Variants in HAP1 observed in about 807,000 individuals in gnomAD.
The protein encoded by HAP1 is huntingtin-associated protein 1.
A neutral mutation model predicts 60.3 loss-of-function variants in HAP1; 59 were observed. That is an observed-to-expected ratio of 0.98 (90% CI 0.79 to 1.22). The LOEUF is 1.22. HAP1 is among the 50% of genes most tolerant of loss of function. The probability of loss-of-function intolerance (pLI) is 0.00; values close to 1 mark genes in which losing one functional copy is unlikely to be tolerated. For synonymous variants in HAP1, 346 were observed against 330.6 expected (o/e 1.05, Z -0.50); for missense variants, 825 against 785.3 (o/e 1.05, Z -0.60).
At chr17:41,718,102 G>GTA, downstream of HAP1, 1 of 434,192 alleles carries the variant, frequency 2.3e-6, no homozygotes, top group Non-Finnish European at 5.0e-6. Context: ...AACACACAGA[G>GTA]TACCCAGAGT....
Position 41,732,219 on chromosome 17 carries a change from C to T in HAP1, c.714+11G>A. ...GATTGGCCCGCTATCCTCTCCTCCC[C>T]ACCCGGTTACCTCCTCCTTGGCTGA... On this transcript the variant is annotated intron_variant, in intron 3 of 10. Coordinates refer to ENST00000347901, the MANE Select transcript of HAP1 (RefSeq NM_177977.3). The T allele has an allele frequency of 6.2e-7, 1 of 1,612,536 alleles. No individual in the cohort carries two copies. Among genetic ancestry groups the T allele is most frequent in the South Asian group, 1.1e-5 (1 of 90,956 alleles).
intron 8 of HAP1, 129 bp from the exon 9 acceptor site, chr17:41,727,273 T>A: frequency 1.3e-6 from 1 of 783,536 alleles, no homozygotes. Context: ...CGTAGGAAAG[T>A]GGGCAGCCAG....
chr17:41,724,531 T>C lies in HAP1; in HGVS notation c.*170A>G. 1.6e-6 allele frequency: 1 copy of C among 607,244 alleles called. No homozygotes were observed. Among genetic ancestry groups the C allele is most frequent in the Non-Finnish European group, 2.9e-6 (1 of 343,584 alleles). 37.6% of individuals were successfully genotyped at this position (607,244 alleles called of 1,614,324 possible). On this transcript the variant is annotated 3_prime_UTR_variant, in exon 11 of 11. Transcript: ENST00000347901. ...CCCCCAGGAGAAAAGTGGATGGAGA[T>C]CTGGAATCCTAAGCAAATGCCACAT...
chr17:41,725,946 G>C (rs919007809), intron 9 of HAP1, 49 bp from the exon 10 acceptor site: 1 of 1,376,438 alleles, frequency 7.3e-7, no homozygotes, highest in African/African-American at 1.4e-5. Context: ...AGCCGAAACT[G>C]CAGTCCCTGG....
rs138954565 is a variant in HAP1, at chr17:41,734,355, G to A, written c.280C>T (p.Arg94Trp). 3 of 1,608,730 alleles carry A rather than the reference G, an allele frequency of 1.9e-6. No individual in the cohort carries two copies. The highest frequency in any genetic ancestry group is 1.7e-6 in the Non-Finnish European group (2 of 1,176,814). Residue 94 changes from arginine (R) to tryptophan (W), a missense_variant, in exon 1 of 11, where the codon CGG becomes TGG. Coordinates refer to ENST00000347901, the MANE Select transcript of HAP1 (RefSeq NM_177977.3). ...GCGTCCGAATTGTCGGGCATAGACC[G>A]GACATCCCCTTGGATGGCCGAGAAT... ...SAFSAIQGDV[R>W]SMPDNSDAPW...
Position 41,732,787 on chromosome 17 carries a change from T to C in HAP1, c.481A>G (p.Asn161Asp). 1.2e-6 allele frequency: 2 copies of C among 1,608,332 alleles called. No homozygotes were observed. Among genetic ancestry groups the C allele is most frequent in the Non-Finnish European group, 1.7e-6 (2 of 1,174,802 alleles). ...IRELEEALCP[N>D]LPPPVKKITQ... The stretch of plus-strand genomic sequence containing the variant: ...ATCTTTTTGACTGGCGGAGGTAGGT[T>C]AGGACACAGTGCTGCAGGAGGCGGC... Residue 161 changes from asparagine (N) to aspartate (D), a missense_variant, in exon 2 of 11, where the codon AAC becomes GAC. Coordinates refer to ENST00000347901, the MANE Select transcript of HAP1 (RefSeq NM_177977.3).
At chr17:41,718,665 T>C (rs1340260260), downstream of HAP1, among the ~76,000 whole-genome samples, 1 of 152,234 alleles carries the variant, frequency 6.6e-6, no homozygotes, top group Admixed American at 6.5e-5. Context: ...ATTGCACTGG[T>C]GCCACTCCAG....
intron 4 of HAP1, 61 bp downstream of exon 4, chr17:41,731,876 T>A: frequency 1.2e-6 from 1 of 823,842 alleles, no homozygotes; most frequent in Non-Finnish European, 2.0e-6. Context: ...GTGTCCCTCT[T>A]AACAAATGAG....
At chr17:41,717,810 T>C (rs192193402), downstream of HAP1, 192 of 313,302 alleles carry the variant, frequency 6.1e-4, 2 homozygotes, top group African/African-American at 3.8e-3. Context: ...AAGTCCCTCC[T>C]CCCTTCTGTA....
At chr17:41,721,336 C>G (rs998028933), downstream of HAP1, 1 of 152,598 alleles carries the variant, frequency 6.6e-6, no homozygotes, top group Admixed American at 6.5e-5. Flanking sequence ...TGTGAGGTGC[C>G]CAGGTTCACA....
chr17:41,731,018 C>T (rs1018665626), intron 6 of HAP1, among the ~76,000 whole-genome samples: 1 of 151,858 alleles, frequency 6.6e-6, no homozygotes, highest in African/African-American at 2.4e-5. Context: ...TCAAGCAATT[C>T]TCCCACCTCA....
At chr17:41,717,879 T>G (rs1320438635), downstream of HAP1, 9 of 418,518 alleles carry the variant, frequency 2.2e-5, no homozygotes, top group African/African-American at 1.8e-4. Context: ...TGCTCATGAG[T>G]GGCTGGTGCA....
At chr17:41,719,329 A>G (rs77420752), downstream of HAP1, among the ~76,000 whole-genome samples, 169 of 152,252 alleles carry the variant, frequency 1.1e-3, 5 homozygotes, top group East Asian at 0.03. Context: ...TATGAAAACC[A>G]TGGATTGAAT....
At chr17:41,725,202 C>T in intron 10 of HAP1, 48 bp from the exon 11 acceptor site, 1 of 1,468,684 alleles carries the variant, frequency 6.8e-7, no homozygotes, top group Non-Finnish European at 9.2e-7. Context: ...AAGTCCAACC[C>T]CCCAGGCCCA....
rs781783273 is a variant in HAP1, at chr17:41,732,399, G to C, written c.550-5C>G. 51 of 1,613,538 alleles carry C rather than the reference G, an allele frequency of 3.2e-5. No homozygotes were observed. The highest frequency in any genetic ancestry group is 1.3e-4 in the East Asian group (6 of 44,878). On this transcript the variant is annotated splice_region_variant and splice_polypyrimidine_tract_variant and intron_variant, in intron 2 of 10. Transcript: ENST00000347901. ...CTCCCAGACAGGTGGGAGAAGCTGG[G>C]GGGGACACAGGGGTCAGAGAGAGGC...
At chr17:41,722,293 A>G (rs1335865266), downstream of HAP1, 1 of 152,116 alleles carries the variant, frequency 6.6e-6, no homozygotes, top group Non-Finnish European at 1.5e-5. Context: ...TGGGGACTTC[A>G]CCCTAAGACA....
chr17:41,733,542 T>C (rs1192627777), intron 1 of HAP1, among the ~76,000 whole-genome samples: 1 of 151,536 alleles, frequency 6.6e-6, no homozygotes, highest in African/African-American at 2.4e-5. Context: ...TGGAGTCTCC[T>C]GGGTCATACA....
intron 1 of HAP1, among the ~76,000 whole-genome samples, chr17:41,733,796 C>G (rs1288619772): frequency 6.6e-6 from 1 of 151,430 alleles, no homozygotes; most frequent in African/African-American, 2.4e-5. Context: ...CAAGCCCGGT[C>G]GGCCAGCGCA....
intron 1 of HAP1, 146 bp downstream of exon 1, chr17:41,734,020 A>G: frequency 1.6e-6 from 1 of 638,994 alleles, no homozygotes; most frequent in Admixed American, 3.0e-5. Flanking sequence ...GGGCGACCAG[A>G]CAGACACCGC....
Sources: gnomAD v4.1 joint callset for allele counts (sites outside exome capture counted in the v4.1 genomes callset) on GRCh38, gnomAD v4.1.1 for gene constraint, MANE v1.5 for transcripts, NCBI Gene and HGNC (gene_info 2026-07-23, HGNC 2026-07-21) for gene names.